The following STPG1 variants were observed in gnomAD, a reference collection of about 807,000 sequenced individuals.
The protein encoded by STPG1 is O(6)-methylguanine-induced apoptosis 2.
A neutral mutation model predicts 40.1 loss-of-function variants in STPG1; 33 were observed. The observed-to-expected ratio is 0.82, with a 90% confidence interval of 0.62 to 1.10. STPG1 has a LOEUF of 1.10. Among genes scored for constraint, STPG1 ranks in the 50% least tolerant of loss-of-function variants. The pLI is 0.00. For synonymous variants in STPG1, 150 were observed against 155.0 expected (o/e 0.97, Z 0.24); for missense variants, 396 against 415.1 (o/e 0.95, Z 0.40).
intron 5 of STPG1, 113 bp from the exon 6 acceptor site, chr1:24,373,923 C>T: frequency 2.7e-6 from 2 of 750,776 alleles, no homozygotes; most frequent in Non-Finnish European, 4.7e-6. Context: ...GAAACCTGTC[C>T]TTCTTAGCAA....
rs754915909 is a variant in STPG1 at position 24,357,998 on chromosome 1, A to G, written c.*545T>C. 8.5e-6 allele frequency: 3 copies of G among 353,722 alleles called. No homozygotes were observed. Among genetic ancestry groups the G allele is most frequent in the Non-Finnish European group, 1.7e-5 (3 of 178,652 alleles). 21.9% of individuals were successfully genotyped at this position (353,722 alleles called of 1,614,324 possible). A position where few individuals can be genotyped will look rare whatever the true frequency, so the allele number is the denominator to read the frequency against. Reference sequence around the variant, plus strand: ...GGTCACTTTAGAAAGGAAGCTGTGGACTGGTGGAAAAAGCATCACCTGCCT... The same window carrying G: ...GGTCACTTTAGAAAGGAAGCTGTGGGCTGGTGGAAAAAGCATCACCTGCCT... On this transcript the variant is annotated 3_prime_UTR_variant, in exon 9 of 9. Coordinates refer to ENST00000337248, the MANE Select transcript of STPG1 (RefSeq NM_001199013.2).
At chr1:24,370,977 C>G (rs1291288996) in intron 6 of STPG1, among the ~76,000 whole-genome samples, 1 of 152,022 alleles carries the variant, frequency 6.6e-6, no homozygotes, top group African/African-American at 2.4e-5. Flanking sequence ...CTCCAAAGCC[C>G]ACACTTCCCC....
intron 6 of STPG1, among the ~76,000 whole-genome samples, chr1:24,371,117 T>C (rs1439403574): frequency 1.3e-5 from 2 of 152,210 alleles, no homozygotes; most frequent in Non-Finnish European, 2.9e-5. Flanking sequence ...AAGTTGTCAG[T>C]AGCCCTGTGA....
intron 2 of STPG1, 160 bp from the exon 3 acceptor site, chr1:24,391,839 T>C: frequency 8.4e-7 from 1 of 1,192,434 alleles, no homozygotes; most frequent in Admixed American, 3.8e-5. Context: ...AAAAAAAAAA[T>C]TCCCCACTTT....
intron 1 of STPG1, among the ~76,000 whole-genome samples, 154 bp downstream of exon 1, chr1:24,413,520 C>T (rs1643843586): frequency 6.6e-6 from 1 of 152,268 alleles, no homozygotes; most frequent in Non-Finnish European, 1.5e-5. Flanking sequence ...GGCTTCTTCC[C>T]GCCCTCGGGG....
chr1:24,369,532 C>T lies in STPG1; in HGVS notation c.737+142G>A, dbSNP rs903263808. The stretch of plus-strand genomic sequence containing the variant: ...CATTCAACAGGCATTTACTGAGCAT[C>T]ATTATGTGTGACTAAGGGCCCCTGA... On this transcript the variant is annotated intron_variant, in intron 7 of 8. Coordinates refer to ENST00000337248, the MANE Select transcript of STPG1 (RefSeq NM_001199013.2). The T allele has an allele frequency of 9.6e-6, 8 of 837,582 alleles. No individual in the cohort carries two copies. The African/African-American group carries it at 1.4e-4, about 14-fold the overall frequency. The allele number at this position is 837,582 out of a possible 1,614,324, so 51.9% of individuals were successfully genotyped here.
chr1:24,368,287 T>C (rs1294077580), intron 7 of STPG1, among the ~76,000 whole-genome samples: 1 of 152,238 alleles, frequency 6.6e-6, no homozygotes, highest in African/African-American at 2.4e-5. Context: ...CCCCTTGCCC[T>C]AGGCTGATGA....
At chr1:24,375,929 T>C (rs1158195617) in intron 5 of STPG1, among the ~76,000 whole-genome samples, 1 of 152,206 alleles carries the variant, frequency 6.6e-6, no homozygotes, top group Non-Finnish European at 1.5e-5. Context: ...TGGAAAGAAA[T>C]CTAAGAAGAA....
chr1:24,379,803 G>C lies in STPG1; in HGVS notation c.312C>G (p.Ile104Met), dbSNP rs1333834419. The change falls in exon 5 of 9, where the codon ATC (isoleucine) becomes ATG (methionine). Residue 104 changes from isoleucine to methionine, a missense_variant. Coordinates refer to ENST00000337248, the MANE Select transcript of STPG1 (RefSeq NM_001199013.2). Reference protein sequence around the residue: ...FPSMCARLDTIISKYPAANAY... With the variant: ...FPSMCARLDTMISKYPAANAY... ...CATTCGCTGCAGGGTATTTAGAAAT[G>C]ATGGTGTCCAATCGGGCGCACTGTA... 1.2e-6 allele frequency: 2 copies of C among 1,613,900 alleles called. No individual in the cohort carries two copies. Among genetic ancestry groups the C allele is most frequent in the African/African-American group, 2.7e-5 (2 of 74,922 alleles).
intron 5 of STPG1, among the ~76,000 whole-genome samples, chr1:24,378,568 G>A (rs1182359207): frequency 2.0e-5 from 3 of 152,188 alleles, no homozygotes; most frequent in Non-Finnish European, 1.5e-5. Context: ...CCAGGAGGTG[G>A]AGCCTGCAGA....
chr1:24,391,521 C>T (rs1642770871), intron 3 of STPG1, 40 bp downstream of exon 3: 2 of 1,298,248 alleles, frequency 1.5e-6, no homozygotes, highest in African/African-American at 1.5e-5. Flanking sequence ...AGGCTAAAAT[C>T]CAGACTAAAA....
intron 6 of STPG1, among the ~76,000 whole-genome samples, chr1:24,371,688 T>C (rs72652537): frequency 0.037 from 5,591 of 152,236 alleles, 165 homozygotes; most frequent in South Asian, 0.11. Context: ...TCTCATATTC[T>C]CTGTTTTGTA....
At chr1:24,382,017 T>C (rs1214460642) in intron 4 of STPG1, among the ~76,000 whole-genome samples, 2 of 152,130 alleles carry the variant, frequency 1.3e-5, no homozygotes, top group East Asian at 3.8e-4. Flanking sequence ...CAAATTCCCA[T>C]ATTTGTGAAA....
intron 8 of STPG1, 152 bp downstream of exon 8, chr1:24,360,699 G>A (rs1026315101): frequency 2.9e-6 from 2 of 695,714 alleles, no homozygotes; most frequent in Non-Finnish European, 4.6e-6. Context: ...TTTGTACTGT[G>A]AAAATGTGAA....
At chr1:24,377,891 T>G (rs1451037929) in intron 5 of STPG1, among the ~76,000 whole-genome samples, 3 of 152,218 alleles carry the variant, frequency 2.0e-5, no homozygotes, top group African/African-American at 4.8e-5. Flanking sequence ...CTCTGAGCCT[T>G]AGCTTTCTCT....
chr1:24,407,591 C>T (rs1260751088), intron 1 of STPG1, among the ~76,000 whole-genome samples: 1 of 152,052 alleles, frequency 6.6e-6, no homozygotes, highest in Non-Finnish European at 1.5e-5. Context: ...GTGCCTGCCA[C>T]CATGCCTGGC....
intron 2 of STPG1, among the ~76,000 whole-genome samples, chr1:24,393,120 G>C (rs975086716): frequency 5.9e-5 from 9 of 152,200 alleles, no homozygotes; most frequent in Admixed American, 2.6e-4. Flanking sequence ...AGCGGAACAG[G>C]TAGGGTGTGA....
intron 3 of STPG1, among the ~76,000 whole-genome samples, chr1:24,389,897 C>G (rs1642688622): frequency 6.6e-6 from 1 of 152,214 alleles, no homozygotes. Context: ...TGTGTGCGTA[C>G]ACTCTATTCT....
At chr1:24,390,446 T>C (rs1293065000) in intron 3 of STPG1, among the ~76,000 whole-genome samples, 2 of 151,784 alleles carry the variant, frequency 1.3e-5, no homozygotes, top group Non-Finnish European at 2.9e-5. Flanking sequence ...TGAGATGGAG[T>C]CTCATTCTGT....
Sources: gnomAD v4.1 joint callset for allele counts (sites outside exome capture counted in the v4.1 genomes callset) on GRCh38, gnomAD v4.1.1 for gene constraint, MANE v1.5 for transcripts, NCBI Gene and HGNC (gene_info 2026-07-23, HGNC 2026-07-21) for gene names.